Variants in TDRD12 observed in about 807,000 individuals in gnomAD.
TDRD12 encodes the protein tudor domain containing 12.
TDRD12 carries 158 observed loss-of-function variants against 133.5 expected under a neutral mutation model. The ratio of observed to expected loss-of-function variants is 1.18; its 90% CI spans 1.04 to 1.35. The LOEUF (loss-of-function observed/expected upper bound fraction) is 1.35, where lower values mean the gene tolerates loss of function less well. Ranked by LOEUF, TDRD12 falls within the 40% of genes most tolerant of loss-of-function variation. The pLI is 0.00. For missense variants in TDRD12, 1,443 were observed against 1,321.3 expected (o/e 1.09, Z -1.43); for synonymous variants, 460 against 477.9 (o/e 0.96, Z 0.49).
intron 5 of TDRD12, among the ~76,000 whole-genome samples, chr19:32,749,524 G>A (rs939103176): frequency 1.3e-5 from 2 of 152,084 alleles, no homozygotes; most frequent in Non-Finnish European, 2.9e-5. Flanking sequence ...TGAAGGCCTG[G>A]GACTGGAAAT....
intron 11 of TDRD12, among the ~76,000 whole-genome samples, chr19:32,784,505 A>G (rs1334806399): frequency 6.6e-6 from 1 of 152,128 alleles, no homozygotes; most frequent in Non-Finnish European, 1.5e-5. Context: ...GGCCTCATAA[A>G]ATGAGTTAGG....
At chr19:32,810,599 C>A (rs915133472) in intron 23 of TDRD12, among the ~76,000 whole-genome samples, 1 of 152,228 alleles carries the variant, frequency 6.6e-6, no homozygotes. Context: ...GGCGATGTTA[C>A]GAATGTGGTG....
At chr19:32,767,940 A>G (rs75764249) in intron 8 of TDRD12, among the ~76,000 whole-genome samples, 3,602 of 152,310 alleles carry the variant, frequency 0.024, 85 homozygotes, top group Non-Finnish European at 0.036. Flanking sequence ...TGATTTTTCC[A>G]TTTTTAAATA....
intron 2 of TDRD12, among the ~76,000 whole-genome samples, chr19:32,735,900 G>A (rs1364222734): frequency 6.6e-6 from 1 of 152,156 alleles, no homozygotes; most frequent in East Asian, 1.9e-4. Context: ...AACCCGGGAG[G>A]TGGAGGCTGC....
In TDRD12 at chr19:32,733,128, C is replaced by T. The variant is rs368381118; in HGVS notation, c.183+1245C>T. On this transcript the variant is annotated intron_variant, in intron 2 of 27. Coordinates refer to ENST00000444215, the Ensembl canonical transcript of TDRD12. ...TAATAGCTGCAGTAAGCTGTGTTTG[C>T]GCCACTGCACTCTAGCCTGGGCGAG... Among the ~76,000 whole-genome samples, 97 of 152,138 alleles carry T rather than the reference C, an allele frequency of 6.4e-4. 2 individuals are homozygous for T. In the South Asian group the frequency reaches 0.013, roughly 20 times the overall value.
chr19:32,807,206 A>ATG (rs1308470506), intron 21 of TDRD12, among the ~76,000 whole-genome samples: 2 of 137,928 alleles, frequency 1.5e-5, no homozygotes, highest in African/African-American at 2.7e-5. Flanking sequence ...TTAAGAGGCT[A>ATG]TGGTGAGACA....
rs1017783871 is a variant in TDRD12, at chr19:32,776,943, C to T, written c.1041-206C>T. On this transcript the variant is annotated intron_variant, in intron 10 of 27. Transcript: ENST00000444215. The stretch of plus-strand genomic sequence containing the variant: ...TGCTCTTGTTGCCCAGGCTGGAGTG[C>T]GGTGGCACAATCACAGCTCACTGCA... 2.6e-5 allele frequency among the ~76,000 whole-genome samples: 4 copies of T among 152,138 alleles called. No homozygotes were observed. The South Asian group carries it at 6.2e-4, about 24-fold the overall frequency.
exon 22 of TDRD12, chr19:32,807,564 T>C (rs1568490621): frequency 6.5e-7 from 1 of 1,534,432 alleles, no homozygotes; most frequent in Non-Finnish European, 8.7e-7. Context: ...AAAGGATCTG[T>C]CCTGACCGAC....
At chr19:32,719,981 G>GGGCCT in exon 1 of TDRD12, 1 of 1,471,084 alleles carries the variant, frequency 6.8e-7, no homozygotes, top group Non-Finnish European at 9.2e-7. Flanking sequence ...CTCGCGGCGG[G>GGGCCT]GGCCTGGCCG....
At chr19:32,723,663 C>T (rs1372461700) in intron 1 of TDRD12, among the ~76,000 whole-genome samples, 4 of 139,496 alleles carry the variant, frequency 2.9e-5, no homozygotes, top group Non-Finnish European at 4.6e-5. Flanking sequence ...CTTGCTGAGT[C>T]TACCAAAAAA....
At chr19:32,734,111 G>C (rs1307089392) in intron 2 of TDRD12, among the ~76,000 whole-genome samples, 1 of 151,772 alleles carries the variant, frequency 6.6e-6, no homozygotes, top group Non-Finnish European at 1.5e-5. Flanking sequence ...TAGCCAGGAT[G>C]GTCTTGATCT....
chr19:32,788,729 C>T (rs988541033), intron 11 of TDRD12, among the ~76,000 whole-genome samples: 1 of 152,132 alleles, frequency 6.6e-6, no homozygotes, highest in Non-Finnish European at 1.5e-5. Flanking sequence ...TGTATTTCAA[C>T]GTAGAGGCCC....
At chr19:32,732,603 C>T (rs1324489992) in intron 2 of TDRD12, among the ~76,000 whole-genome samples, 1 of 152,224 alleles carries the variant, frequency 6.6e-6, no homozygotes, top group East Asian at 1.9e-4. Flanking sequence ...TCCTTGCCTT[C>T]TTGCAGACTC....
chr19:32,808,569 A>G (rs1966895264), intron 22 of TDRD12, among the ~76,000 whole-genome samples: 1 of 152,140 alleles, frequency 6.6e-6, no homozygotes, highest in South Asian at 2.1e-4. Context: ...ACCCAGAGCC[A>G]TCTCCCAGTC....
intron 8 of TDRD12, among the ~76,000 whole-genome samples, chr19:32,757,720 G>A (rs1317453879): frequency 6.6e-6 from 1 of 152,092 alleles, no homozygotes. Context: ...AAACAACCTT[G>A]AGCAAAGCAA....
intron 18 of TDRD12, 62 bp from the exon 19 acceptor site, chr19:32,801,694 G>A (rs1277379149): frequency 3.7e-6 from 2 of 533,660 alleles, no homozygotes; most frequent in South Asian, 3.7e-5. Flanking sequence ...ATTATTGATG[G>A]AACGGTTGGC....
intron 21 of TDRD12, among the ~76,000 whole-genome samples, 153 bp downstream of exon 21, chr19:32,803,295 CT>C (rs1419525109): frequency 6.6e-6 from 1 of 152,188 alleles, no homozygotes; most frequent in Admixed American, 6.5e-5. Context: ...CCCACGTGCC[CT>C]CCCCTCTGCA....
In TDRD12 at chr19:32,821,155, T is replaced by G. The variant is rs1278605186; in HGVS notation, c.3506T>G (p.Phe1169Cys). 25 of 1,525,638 alleles carry G rather than the reference T, an allele frequency of 1.6e-5. No individual in the cohort carries two copies. The highest frequency in any genetic ancestry group is 2.1e-5 in the Non-Finnish European group (24 of 1,139,196). 94.5% of individuals were successfully genotyped at this position (1,525,638 alleles called of 1,614,324 possible). Reference sequence around the variant, plus strand: ...CAGAAGCCTGGTGGGTACTTGGTATTCAAAAGATGGTTAAGTTCAAATCGT... The same window carrying G: ...CAGAAGCCTGGTGGGTACTTGGTATGCAAAAGATGGTTAAGTTCAAATCGT... Residue 1169 changes from phenylalanine to cysteine, a missense_variant, in exon 28 of 28, where the codon TTC (phenylalanine) becomes TGC (cysteine). By Grantham distance (205) the Phe-to-Cys change is radical (BLOSUM62 -2). Transcript: ENST00000444215.
chr19:32,813,925 T>G, intron 25 of TDRD12, 149 bp downstream of exon 25: 2 of 612,722 alleles, frequency 3.3e-6, no homozygotes, highest in Non-Finnish European at 2.9e-6. Flanking sequence ...TTCATGTTAT[T>G]GGGTCATGAA....
Sources: allele counts gnomAD v4.1 joint callset (sites outside exome capture counted in the v4.1 genomes callset), GRCh38; gene constraint gnomAD v4.1.1; transcripts MANE v1.5; gene names NCBI Gene and HGNC (gene_info 2026-07-23, HGNC 2026-07-21).